The following ADARB2 variants were observed in gnomAD, a reference collection of about 807,000 sequenced individuals.
The protein encoded by ADARB2 is adenosine deaminase RNA specific B2 (inactive).
A neutral mutation model predicts 62.2 loss-of-function variants in ADARB2; 25 were observed. That is an observed-to-expected ratio of 0.40 (90% CI 0.29 to 0.56). The LOEUF is 0.56. Ranked by LOEUF, ADARB2 falls within the 20% of genes least tolerant of loss-of-function variation. The probability of loss-of-function intolerance (pLI) is 0.43; values close to 1 mark genes in which losing one functional copy is unlikely to be tolerated. For missense variants in ADARB2, 1,071 were observed against 1,077.4 expected, an observed-to-expected ratio of 0.99 and a Z score of 0.08; for synonymous variants, 572 against 500.8, an observed-to-expected ratio of 1.14 and a Z score of -1.90.
At chr10:1,557,869 G>C (rs537445121) in intron 1 of ADARB2, among the ~76,000 whole-genome samples, 1 of 152,032 alleles carries the variant, frequency 6.6e-6, no homozygotes, top group Admixed American at 6.5e-5. Flanking sequence ...CTGAGGTTGC[G>C]GTGAGCTGAG....
chr10:1,352,520 C>T (rs1049970843), intron 3 of ADARB2, among the ~76,000 whole-genome samples: 5 of 152,146 alleles, frequency 3.3e-5, no homozygotes, highest in Non-Finnish European at 7.4e-5. Flanking sequence ...GCCAGGACCG[C>T]GTCCTGTAGC....
At chr10:1,193,818 C>T (rs1836873533) in intron 8 of ADARB2, among the ~76,000 whole-genome samples, 1 of 152,088 alleles carries the variant, frequency 6.6e-6, no homozygotes, top group Non-Finnish European at 1.5e-5. Context: ...TCTGATTTAG[C>T]TCCTTTGAAG....
intron 4 of ADARB2, among the ~76,000 whole-genome samples, chr10:1,242,893 A>G (rs1157558238): frequency 6.6e-6 from 1 of 152,228 alleles, no homozygotes; most frequent in Non-Finnish European, 1.5e-5. Flanking sequence ...GACTGAAAAC[A>G]AACAACAAAG....
intron 1 of ADARB2, among the ~76,000 whole-genome samples, chr10:1,672,786 AAC>A (rs1834408782): frequency 1.3e-5 from 1 of 75,916 alleles, no homozygotes; most frequent in South Asian, 4.6e-4. Context: ...CCCTCCCTCT[AAC>A]ACATATCCAG....
intron 3 of ADARB2, among the ~76,000 whole-genome samples, chr10:1,319,280 C>A (rs1398290080): frequency 2.0e-5 from 3 of 152,138 alleles, no homozygotes; most frequent in African/African-American, 7.2e-5. Context: ...GCCTGTGGAT[C>A]ATACCTCAAG....
chr10:1,646,630 G>A (rs769994198), intron 1 of ADARB2, among the ~76,000 whole-genome samples: 24 of 152,246 alleles, frequency 1.6e-4, no homozygotes, highest in Admixed American at 8.5e-4. Context: ...CAAGATGAGA[G>A]CAGGGCTCTG....
At chr10:1,517,806 G>C (rs1345371287) in intron 1 of ADARB2, among the ~76,000 whole-genome samples, 2 of 152,164 alleles carry the variant, frequency 1.3e-5, no homozygotes, top group Non-Finnish European at 2.9e-5. Context: ...AGCTAGCCAG[G>C]AAGTTACTTA....
In ADARB2 at chr10:1,366,016, C is replaced by A. The variant is rs543102750; in HGVS notation, c.188-2099G>T. On this transcript the variant is annotated intron_variant, in intron 2 of 9. Coordinates refer to ENST00000381312, the MANE Select transcript of ADARB2 (RefSeq NM_018702.4). ...ATAATAAAATTGACTTGCAAAGTAA[C>A]CCATAGGATAGGATATTATTATAAG... Among the ~76,000 whole-genome samples, 6 of 152,224 alleles carry A rather than the reference C, an allele frequency of 3.9e-5. No homozygotes were observed. In the South Asian group the frequency reaches 1.2e-3, roughly 32 times the overall value.
At chr10:1,610,587 C>A (rs747011981) in intron 1 of ADARB2, among the ~76,000 whole-genome samples, 2 of 152,132 alleles carry the variant, frequency 1.3e-5, no homozygotes, top group Non-Finnish European at 2.9e-5. Flanking sequence ...GCTGCTGAGC[C>A]GGGAATAAGG....
At chr10:1,630,628 C>T (rs552798293) in intron 1 of ADARB2, among the ~76,000 whole-genome samples, 1 of 152,172 alleles carries the variant, frequency 6.6e-6, no homozygotes, top group East Asian at 1.9e-4. Flanking sequence ...TCTATGAATG[C>T]CTCAGTGCAT....
At chr10:1,320,384 C>A (rs182231953) in intron 3 of ADARB2, among the ~76,000 whole-genome samples, 204 of 152,304 alleles carry the variant, frequency 1.3e-3, no homozygotes, top group Non-Finnish European at 2.2e-3. Context: ...TATCTAGCAT[C>A]TTTCAAATCA....
At chr10:1,275,054 C>T (rs1048453933) in intron 3 of ADARB2, among the ~76,000 whole-genome samples, 59 of 152,212 alleles carry the variant, frequency 3.9e-4, no homozygotes, top group African/African-American at 1.4e-3. Flanking sequence ...GCCCTAGGCT[C>T]CCACTATGAA....
At chr10:1,653,604 C>A (rs1209969597) in intron 1 of ADARB2, among the ~76,000 whole-genome samples, 1 of 148,390 alleles carries the variant, frequency 6.7e-6, no homozygotes, top group Non-Finnish European at 1.5e-5. Flanking sequence ...CAGTCTCCAC[C>A]CAACGCCTTC....
chr10:1,329,635 T>G (rs1831909280), intron 3 of ADARB2, among the ~76,000 whole-genome samples: 1 of 152,204 alleles, frequency 6.6e-6, no homozygotes, highest in Admixed American at 6.5e-5. Flanking sequence ...TGGGTGTTGG[T>G]CTAGAGGGTT....
At chr10:1,248,926 G>GT (rs1831011817) in intron 4 of ADARB2, among the ~76,000 whole-genome samples, 1 of 152,178 alleles carries the variant, frequency 6.6e-6, no homozygotes, top group Non-Finnish European at 1.5e-5. Context: ...CAAGGCAATT[G>GT]TAAGTGTTCT....
At chr10:1,656,998 G>GTT (rs1367429858) in intron 1 of ADARB2, among the ~76,000 whole-genome samples, 1 of 58,170 alleles carries the variant, frequency 1.7e-5, no homozygotes, top group African/African-American at 5.3e-5. Flanking sequence ...CCCATCTAGT[G>GTT]TTTTGTGTGT....
chr10:1,181,457 G>A lies in ADARB2; in HGVS notation c.*1736C>T, dbSNP rs572502086. Reference sequence around the variant, plus strand: ...TTTGAAACTTTATCTGGAAGAAGTTGTCTACTCCAGTACCTGTTTTCTTTT... The same window carrying A: ...TTTGAAACTTTATCTGGAAGAAGTTATCTACTCCAGTACCTGTTTTCTTTT... On this transcript the variant is annotated 3_prime_UTR_variant, in exon 10 of 10. Transcript: ENST00000381312. 2.5e-4 allele frequency: 38 copies of A among 152,322 alleles called. No individual in the cohort carries two copies. Among genetic ancestry groups the A allele is most frequent in the African/African-American group, 8.9e-4 (37 of 41,578 alleles). 9.4% of individuals were successfully genotyped at this position (152,322 alleles called of 1,614,324 possible).
chr10:1,556,257 A>G (rs912483634), intron 1 of ADARB2, among the ~76,000 whole-genome samples: 4 of 80,944 alleles, frequency 4.9e-5, no homozygotes, highest in Non-Finnish European at 8.8e-5. Flanking sequence ...CTCAAACAAA[A>G]AGTCTTTTTT....
intron 1 of ADARB2, among the ~76,000 whole-genome samples, chr10:1,565,368 A>C (rs1463727077): frequency 6.6e-6 from 1 of 152,140 alleles, no homozygotes; most frequent in African/African-American, 2.4e-5. Flanking sequence ...CTATAAATAC[A>C]TGGGTATGCA....
Sources: allele counts gnomAD v4.1 joint callset (sites outside exome capture counted in the v4.1 genomes callset), GRCh38; gene constraint gnomAD v4.1.1; transcripts MANE v1.5; gene names NCBI Gene and HGNC (gene_info 2026-07-23, HGNC 2026-07-21).